TIMD4: variants seen among roughly 807,000 people sequenced by gnomAD.
The protein encoded by TIMD4 is T cell immunoglobulin and mucin domain containing 4.
In TIMD4, 31 loss-of-function variants were observed where a neutral mutation model predicts 41.2. The ratio of observed to expected loss-of-function variants is 0.75; its 90% CI spans 0.57 to 1.01. TIMD4 has a LOEUF of 1.01. Among genes scored for constraint, TIMD4 ranks in the 50% least tolerant of loss-of-function variants. TIMD4 has a pLI of 0.00. For synonymous variants in TIMD4, 204 were observed against 177.1 expected, an observed-to-expected ratio of 1.15 and a Z score of -1.21; for missense variants, 479 against 472.5, an observed-to-expected ratio of 1.01 and a Z score of -0.13.
intron 5 of TIMD4, among the ~76,000 whole-genome samples, chr5:156,940,031 G>A (rs1279566745): frequency 6.6e-6 from 1 of 152,208 alleles, no homozygotes; most frequent in African/African-American, 2.4e-5. Context: ...GTACTGCCGC[G>A]ATCTCGGCTC....
chr5:156,962,844 A>T (rs1753097999), intron 1 of TIMD4, among the ~76,000 whole-genome samples: 1 of 152,190 alleles, frequency 6.6e-6, no homozygotes, highest in African/African-American at 2.4e-5. Flanking sequence ...CCATAGAGGA[A>T]ATCTCTTTTC....
At chr5:156,961,631 C>T (rs761969501) in intron 1 of TIMD4, among the ~76,000 whole-genome samples, 17 of 151,408 alleles carry the variant, frequency 1.1e-4, no homozygotes, top group Non-Finnish European at 2.1e-4. Context: ...GGTGAAACCC[C>T]GTCTCTACTA....
Position 156,951,494 on chromosome 5 carries a change from C to T in TIMD4, c.679+18G>A. 1 of 1,613,580 alleles carries T rather than the reference C, an allele frequency of 6.2e-7. No homozygotes were observed. The highest frequency in any genetic ancestry group is 1.1e-5 in the South Asian group (1 of 90,958). On this transcript the variant is annotated intron_variant, in intron 3 of 8. Transcript: ENST00000274532. The stretch of plus-strand genomic sequence containing the variant: ...TGAGACAGCACTGTTCTAAGAAACC[C>T]AAGATACATCTGCGTACCTGCAGTG...
intron 1 of TIMD4, among the ~76,000 whole-genome samples, chr5:156,960,878 C>T (rs569705872): frequency 6.6e-6 from 1 of 152,332 alleles, no homozygotes; most frequent in South Asian, 2.1e-4. Context: ...GATGCAGGAA[C>T]TCCAAGGAGG....
intron 5 of TIMD4, among the ~76,000 whole-genome samples, chr5:156,941,059 G>T (rs557418907): frequency 1.3e-3 from 193 of 152,226 alleles, no homozygotes; most frequent in Middle Eastern, 6.8e-3. Context: ...TCAACTCAGG[G>T]TTAAATGGAT....
At chr5:156,949,942 C>T (rs556505479) in intron 3 of TIMD4, among the ~76,000 whole-genome samples, 10 of 152,198 alleles carry the variant, frequency 6.6e-5, no homozygotes, top group South Asian at 4.1e-4. Context: ...CTCAGCCTCC[C>T]GAGCAGCTGG....
intron 3 of TIMD4, 127 bp from the exon 4 acceptor site, chr5:156,949,858 C>A (rs1397955982): frequency 9.8e-6 from 6 of 615,222 alleles, no homozygotes; most frequent in Non-Finnish European, 1.8e-5. Flanking sequence ...TGCTCTATCA[C>A]CCAGGCTGGA....
chr5:156,925,186 T>C (rs1308511789), intron 6 of TIMD4, among the ~76,000 whole-genome samples: 1 of 152,222 alleles, frequency 6.6e-6, no homozygotes, highest in Non-Finnish European at 1.5e-5. Flanking sequence ...GGCATGTGCC[T>C]GTAATCCCAG....
At chr5:156,957,511 T>C (rs201910603) in intron 1 of TIMD4, among the ~76,000 whole-genome samples, 5 of 15,058 alleles carry the variant, frequency 3.3e-4, no homozygotes, top group African/African-American at 1.5e-3. Flanking sequence ...AGAGTCTATC[T>C]CAAAAAAAAA....
intron 5 of TIMD4, among the ~76,000 whole-genome samples, chr5:156,929,177 A>G (rs573795742): frequency 6.6e-5 from 10 of 152,278 alleles, no homozygotes; most frequent in South Asian, 2.1e-4. Context: ...TAGCCATGCC[A>G]GTGGCAAGGG....
chr5:156,930,296 T>C (rs1409167328), intron 5 of TIMD4, among the ~76,000 whole-genome samples: 1 of 152,128 alleles, frequency 6.6e-6, no homozygotes, highest in Non-Finnish European at 1.5e-5. Context: ...AGCAACCCTA[T>C]GAGACAGACA....
intron 5 of TIMD4, among the ~76,000 whole-genome samples, chr5:156,942,110 C>T (rs1365348633): frequency 6.6e-6 from 1 of 152,152 alleles, no homozygotes; most frequent in Non-Finnish European, 1.5e-5. Flanking sequence ...TCATTTTTCC[C>T]AATTTGAATA....
In TIMD4 at chr5:156,963,143, A is replaced by G. The variant is rs766882335; in HGVS notation, c.56T>C (p.Leu19Pro). ...WLMIEFWWLY[L>P]TPVTSETVVT... ...ATAGAAGGTTTCAGAACACTTACTC[A>G]GGTAAAGCCACCAAAACTCAATCAT... Residue 19 changes from leucine (L) to proline (P), a missense_variant and splice_region_variant, in exon 1 of 9, where the codon CTG (leucine) becomes CCG (proline). Coordinates refer to ENST00000274532, the MANE Select transcript of TIMD4 (RefSeq NM_138379.3). 6.2e-7 allele frequency: 1 copy of G among 1,614,044 alleles called. No individual in the cohort carries two copies. The highest frequency in any genetic ancestry group is 8.5e-7 in the Non-Finnish European group (1 of 1,179,924).
At chr5:156,951,951 G>T (rs963542893) in intron 2 of TIMD4, among the ~76,000 whole-genome samples, 161 bp from the exon 3 acceptor site, 3 of 152,126 alleles carry the variant, frequency 2.0e-5, no homozygotes, top group Admixed American at 2.0e-4. Context: ...CCCCCACCCT[G>T]ACATGTTCCT....
At chr5:156,922,865 A>T (rs1230653870) in intron 6 of TIMD4, among the ~76,000 whole-genome samples, 3 of 152,116 alleles carry the variant, frequency 2.0e-5, no homozygotes, top group African/African-American at 4.8e-5. Context: ...TTTCTCAGTA[A>T]TTTTTTCATT....
In TIMD4 at chr5:156,926,160, T is replaced by A. The variant is rs1398716721; in HGVS notation, c.894+103A>T. On this transcript the variant is annotated intron_variant, in intron 6 of 8. Transcript: ENST00000274532. The stretch of plus-strand genomic sequence containing the variant: ...ATCAAGTGATCTGCCCACCTTGGCC[T>A]CCCAAAGTGCTGGGATTATAGGCAT... 8.9e-6 allele frequency: 11 copies of A among 1,237,892 alleles called. No individual in the cohort carries two copies. In the African/African-American group the frequency reaches 1.4e-4, roughly 15 times the overall value. The allele number at this position is 1,237,892 out of a possible 1,614,324, so 76.7% of individuals were successfully genotyped here. A position where few individuals can be genotyped will look rare whatever the true frequency, so the allele number is the denominator to read the frequency against.
chr5:156,940,225 C>G (rs530027471), intron 5 of TIMD4, among the ~76,000 whole-genome samples: 1 of 152,340 alleles, frequency 6.6e-6, no homozygotes, highest in South Asian at 2.1e-4. Flanking sequence ...CCCGAGGTGC[C>G]GGGATTGCAG....
In TIMD4 at chr5:156,919,374, T is replaced by A. The variant is rs1759193146; in HGVS notation, c.*83A>T. ...ATCCATGGAATAAGTGAGTCTTTTT[T>A]ATGAAACAAGGAAATCTACTAAGAC... is the stretch of plus-strand genomic sequence containing the variant. On this transcript the variant is annotated 3_prime_UTR_variant, in exon 9 of 9. Coordinates refer to ENST00000274532, the MANE Select transcript of TIMD4 (RefSeq NM_138379.3). 1.5e-6 allele frequency: 2 copies of A among 1,316,386 alleles called. No individual in the cohort carries two copies. The highest frequency in any genetic ancestry group is 2.2e-6 in the Non-Finnish European group (2 of 921,676). The allele number at this position is 1,316,386 out of a possible 1,614,324, so 81.5% of individuals were successfully genotyped here. A position where few individuals can be genotyped will look rare whatever the true frequency, so the allele number is the denominator to read the frequency against.
chr5:156,933,901 G>A (rs1581615782), intron 5 of TIMD4, among the ~76,000 whole-genome samples: 3 of 152,058 alleles, frequency 2.0e-5, no homozygotes, highest in South Asian at 4.1e-4. Context: ...ATCCCTATTG[G>A]TCTACTGGTG....
Sources: gnomAD v4.1 joint callset for allele counts (sites outside exome capture counted in the v4.1 genomes callset) on GRCh38, gnomAD v4.1.1 for gene constraint, MANE v1.5 for transcripts, NCBI Gene and HGNC (gene_info 2026-07-23, HGNC 2026-07-21) for gene names.